Variants in MRTFB observed in about 807,000 individuals in gnomAD.
MRTFB encodes the protein myocardin related transcription factor B.
In MRTFB, 29 loss-of-function variants were observed where a neutral mutation model predicts 104.2. That is an observed-to-expected ratio of 0.28 (90% CI 0.21 to 0.38). MRTFB has a LOEUF of 0.38. MRTFB is among the 10% of genes least tolerant of loss of function. The probability of loss-of-function intolerance (pLI) is 1.00; values close to 1 mark genes in which losing one functional copy is unlikely to be tolerated. For missense variants in MRTFB, 1,270 were observed against 1,341.6 expected (o/e 0.95, Z 0.83); for synonymous variants, 535 against 519.5 (o/e 1.03, Z -0.41).
chr16:14,133,206 A>T (rs2142459743), intron 2 of MRTFB, among the ~76,000 whole-genome samples: 1 of 152,350 alleles, frequency 6.6e-6, no homozygotes, highest in East Asian at 1.9e-4. Context: ...GAGACAAGAG[A>T]TAGCCTTGAC....
At chr16:14,023,642 T>G in the MRTFB span, among the ~76,000 whole-genome samples, 1 of 149,660 alleles carries the variant, frequency 6.7e-6, no homozygotes, top group Non-Finnish European at 1.5e-5. Context: ...CATATACATA[T>G]ACATATACAT....
chr16:14,053,432 AT>A, the MRTFB span, among the ~76,000 whole-genome samples: 3 of 152,100 alleles, frequency 2.0e-5, no homozygotes, highest in South Asian at 2.1e-4. Context: ...TACAAAAAAA[AT>A]ATTTTTTTAA....
chr16:14,230,167 A>G (rs1427694303), intron 8 of MRTFB, among the ~76,000 whole-genome samples: 2 of 152,178 alleles, frequency 1.3e-5, no homozygotes, highest in African/African-American at 2.4e-5. Flanking sequence ...TAGACCTAAA[A>G]CCATAAAAAC....
At position 14,220,076 on chromosome 16, in the gene MRTFB, C is replaced by T. The variant is rs1398463191; in HGVS notation, c.693+1078C>T. On this transcript the variant is annotated intron_variant, in intron 8 of 16. Coordinates refer to ENST00000571589, the MANE Select transcript of MRTFB (RefSeq NM_001308142.2). ...GTGGTAGTGTGGATGGCTACAGTTC[C>T]GATTGTCCTCTCCAAGTTCACAGGG... Among the ~76,000 whole-genome samples the T allele has an allele frequency of 2.6e-5, 4 of 152,094 alleles. No individual in the cohort carries two copies. The South Asian group carries it at 6.2e-4, about 24-fold the overall frequency.
chr16:14,071,722 G>A (rs1291897197), intron 1 of MRTFB, among the ~76,000 whole-genome samples: 3 of 152,186 alleles, frequency 2.0e-5, no homozygotes, highest in Non-Finnish European at 4.4e-5. Flanking sequence ...TTGCACGCCG[G>A]GGCTGCACAG....
chr16:13,996,069 C>G, the MRTFB span, among the ~76,000 whole-genome samples: 2 of 152,038 alleles, frequency 1.3e-5, no homozygotes, highest in African/African-American at 4.8e-5. Flanking sequence ...GTCCAGAGTC[C>G]GAGACCAGCC....
chr16:14,012,846 G>A, the MRTFB span, among the ~76,000 whole-genome samples: 1 of 152,066 alleles, frequency 6.6e-6, no homozygotes, highest in African/African-American at 2.4e-5. Flanking sequence ...CAGCCTGTAG[G>A]GGATGAGAAG....
At chr16:14,017,194 C>G in the MRTFB span, among the ~76,000 whole-genome samples, 1 of 151,712 alleles carries the variant, frequency 6.6e-6, no homozygotes, top group Admixed American at 6.6e-5. Flanking sequence ...GTAGCTGGGA[C>G]TACAGGCGCC....
chr16:14,166,465 C>G (rs1438398721), intron 3 of MRTFB, among the ~76,000 whole-genome samples: 2 of 152,100 alleles, frequency 1.3e-5, no homozygotes, highest in African/African-American at 4.8e-5. Context: ...TAGTGAACAT[C>G]CTTATGTGAA....
chr16:14,210,121 C>T (rs1473210440), intron 3 of MRTFB, 122 bp from the exon 4 acceptor site: 11 of 654,458 alleles, frequency 1.7e-5, no homozygotes, highest in African/African-American at 1.1e-4. Flanking sequence ...AGGTAATATC[C>T]TTCTTTTTAA....
At chr16:14,228,391 A>G (rs1177108935) in intron 8 of MRTFB, among the ~76,000 whole-genome samples, 1 of 152,150 alleles carries the variant, frequency 6.6e-6, no homozygotes, top group African/African-American at 2.4e-5. Flanking sequence ...CCTGGCCAAC[A>G]TGGTGAAACC....
chr16:14,069,693 G>C (rs1412963871), upstream of MRTFB, among the ~76,000 whole-genome samples: 1 of 152,102 alleles, frequency 6.6e-6, no homozygotes, highest in East Asian at 1.9e-4. Context: ...TGTTACCCAG[G>C]CTGGTCTAAA....
intron 3 of MRTFB, among the ~76,000 whole-genome samples, chr16:14,172,814 G>T (rs899339304): frequency 2.0e-5 from 3 of 152,086 alleles, no homozygotes; most frequent in Admixed American, 6.6e-5. Flanking sequence ...TTTGGAGGAG[G>T]GAAAGAATGA....
At chr16:14,109,218 A>G (rs184552316) in intron 2 of MRTFB, among the ~76,000 whole-genome samples, 14 of 152,192 alleles carry the variant, frequency 9.2e-5, no homozygotes, top group African/African-American at 2.9e-4. Context: ...TTCCTTTCTA[A>G]AGTTTAAGCT....
chr16:14,003,473 C>T, the MRTFB span, among the ~76,000 whole-genome samples: 1 of 152,190 alleles, frequency 6.6e-6, no homozygotes, highest in African/African-American at 2.4e-5. Context: ...AGCCCCCAGG[C>T]AGTTTGCTGC....
At chr16:14,215,481 CAT>C (rs745753502) in intron 6 of MRTFB, among the ~76,000 whole-genome samples, 1 of 152,178 alleles carries the variant, frequency 6.6e-6, no homozygotes. Context: ...GGAACAGAAA[CAT>C]AACAAAATTC....
intron 2 of MRTFB, among the ~76,000 whole-genome samples, chr16:14,125,415 G>A (rs537779153): frequency 3.9e-5 from 6 of 152,312 alleles, no homozygotes; most frequent in Middle Eastern, 3.4e-3. Context: ...ATCTGAATTC[G>A]GTTTAATGGC....
chr16:14,058,708 A>G, the MRTFB span, among the ~76,000 whole-genome samples: 4 of 102,532 alleles, frequency 3.9e-5, no homozygotes, highest in African/African-American at 1.1e-4. Flanking sequence ...TTTTATTTGT[A>G]TTTGTTTTTT....
the MRTFB span, among the ~76,000 whole-genome samples, chr16:14,048,106 G>A: frequency 2.6e-5 from 4 of 152,148 alleles, no homozygotes; most frequent in Non-Finnish European, 4.4e-5. Flanking sequence ...AAAATGAAGG[G>A]GCTAAATGTT....
Sources: gnomAD v4.1 joint callset for allele counts (sites outside exome capture counted in the v4.1 genomes callset) on GRCh38, gnomAD v4.1.1 for gene constraint, MANE v1.5 for transcripts, NCBI Gene and HGNC (gene_info 2026-07-23, HGNC 2026-07-21) for gene names.